The following KCTD1 variants were observed in gnomAD, a reference collection of about 807,000 sequenced individuals.
The protein encoded by KCTD1 is potassium channel tetramerization domain containing 1.
KCTD1 carries 24 observed loss-of-function variants against 66.0 expected under a neutral mutation model. The ratio of observed to expected loss-of-function variants is 0.36; its 90% confidence interval spans 0.26 to 0.51. The LOEUF is 0.51. KCTD1 is among the 20% of genes least tolerant of loss of function. The probability of loss-of-function intolerance (pLI) is 0.95; values close to 1 mark genes in which losing one functional copy is unlikely to be tolerated. For missense variants in KCTD1, 943 were observed against 1,205.2 expected (o/e 0.78, Z 3.22); for synonymous variants, 511 against 517.2 (o/e 0.99, Z 0.16).
Position 26,459,744 on chromosome 18 carries a change from A to G in KCTD1, c.2315T>C (p.Ile772Thr). Residue 772 changes from isoleucine to threonine, a missense_variant, in exon 4 of 5, where the codon ATA (isoleucine) becomes ACA (threonine). Ile to Thr is a moderately conservative substitution (Grantham distance 89). Transcript: ENST00000580059. The part of the protein sequence containing the change: ...RITLSGDKSL[I>T]EEVFPEIGDV... The stretch of plus-strand genomic sequence containing the variant: ...GCCGATCTCTGGAAATACTTCTTCT[A>G]TCAAGGATTTGTCACCGCTTAGCGT... 3 of 1,614,180 alleles carry G rather than the reference A, an allele frequency of 1.9e-6. No individual in the cohort carries two copies. The highest frequency in any genetic ancestry group is 1.3e-5 in the African/African-American group (1 of 75,032).
At chr18:26,461,968 A>G (rs193253206) in intron 3 of KCTD1, among the ~76,000 whole-genome samples, 14 of 152,284 alleles carry the variant, frequency 9.2e-5, no homozygotes, top group Non-Finnish European at 1.8e-4. Context: ...AATACAAAAA[A>G]TTAGCCGGGC....
At chr18:26,625,183 G>A (rs544738337) in intron 1 of KCTD1, among the ~76,000 whole-genome samples, 1 of 152,322 alleles carries the variant, frequency 6.6e-6, no homozygotes, top group South Asian at 2.1e-4. Context: ...TGAGACCTTG[G>A]ACTTGGACTT....
chr18:26,647,660 T>C (rs528842152), intron 1 of KCTD1, among the ~76,000 whole-genome samples: 4 of 151,018 alleles, frequency 2.6e-5, no homozygotes, highest in African/African-American at 9.7e-5. Flanking sequence ...AGACTCCAGA[T>C]CCTAAAACCT....
At chr18:26,569,442 C>A (rs1182241360) in intron 1 of KCTD1, among the ~76,000 whole-genome samples, 1 of 152,172 alleles carries the variant, frequency 6.6e-6, no homozygotes, top group Non-Finnish European at 1.5e-5. Context: ...TCCTTCCTGA[C>A]AACTCACAGC....
intron 1 of KCTD1, among the ~76,000 whole-genome samples, chr18:26,602,777 T>C (rs1290897961): frequency 6.6e-6 from 1 of 152,218 alleles, no homozygotes; most frequent in Non-Finnish European, 1.5e-5. Context: ...CTTCCACAGC[T>C]GTATCAGTTC....
chr18:26,455,292 T>TTTG lies in KCTD1; in HGVS notation c.*448_*450dup, dbSNP rs1310135758. 6.5e-6 allele frequency: 1 copy of TTTG among 152,858 alleles called. No homozygotes were observed. The highest frequency in any genetic ancestry group is 2.4e-5 in the African/African-American group (1 of 41,398). The allele number at this position is 152,858 out of a possible 1,614,324, so 9.5% of individuals were successfully genotyped here. ...TACAAACAAACTTGATTCAAGGTGT[T>TTTG]TTGTTTGTTTTGTTTTTTTAAAAAA... On this transcript the variant is annotated 3_prime_UTR_variant, in exon 5 of 5. Coordinates refer to ENST00000580059, the MANE Select transcript of KCTD1 (RefSeq NM_001142730.3).
intron 2 of KCTD1, among the ~76,000 whole-genome samples, chr18:26,493,118 C>T (rs569605606): frequency 2.6e-5 from 4 of 152,278 alleles, no homozygotes; most frequent in Non-Finnish European, 4.4e-5. Context: ...GGGTTTCTGT[C>T]TATGATGAGA....
Position 26,547,658 on chromosome 18 carries a change from G to A in KCTD1, c.879C>T (p.Tyr293=). ...AITRADLRKL[Y]TSSVFSTNTP... Reference sequence around the variant, plus strand: ...TGTTGGTGCTGAAGACGCTGGAGGTGTACAGCTTGCGCAGGTCGGCGCGCG... The same window carrying A: ...TGTTGGTGCTGAAGACGCTGGAGGTATACAGCTTGCGCAGGTCGGCGCGCG... Residue 293 remains tyrosine, a synonymous_variant, in exon 1 of 5, where the codon TAC becomes TAT. Coordinates refer to ENST00000580059, the MANE Select transcript of KCTD1 (RefSeq NM_001142730.3). 6.4e-7 allele frequency: 1 copy of A among 1,551,606 alleles called. No individual in the cohort carries two copies. The highest frequency in any genetic ancestry group is 8.7e-7 in the Non-Finnish European group (1 of 1,147,004).
chr18:26,493,677 GAGC>G (rs776207168), intron 2 of KCTD1, among the ~76,000 whole-genome samples: 17 of 152,200 alleles, frequency 1.1e-4, no homozygotes, highest in African/African-American at 3.6e-4. Flanking sequence ...CCATCCCCTC[GAGC>G]ATTTATCCTT....
At chr18:26,649,118 A>T (rs1987980883) in intron 1 of KCTD1, among the ~76,000 whole-genome samples, 1 of 152,198 alleles carries the variant, frequency 6.6e-6, no homozygotes, top group Non-Finnish European at 1.5e-5. Context: ...ACGACCCCAC[A>T]TGAGAGGACT....
At chr18:26,610,594 A>AAATGAAGG (rs1347736323) in intron 1 of KCTD1, among the ~76,000 whole-genome samples, 24 of 147,690 alleles carry the variant, frequency 1.6e-4, no homozygotes, top group African/African-American at 6.3e-4. Context: ...AGAGAGAAAG[A>AAATGAAGG]AAGGAAGGAA....
chr18:26,492,539 C>T (rs1330740221), intron 2 of KCTD1, among the ~76,000 whole-genome samples: 1 of 151,802 alleles, frequency 6.6e-6, no homozygotes, highest in African/African-American at 2.4e-5. Flanking sequence ...GGGAGGATGG[C>T]TTGGGCCTGG....
chr18:26,655,233 C>A (rs748294185), intron 1 of KCTD1, among the ~76,000 whole-genome samples: 1 of 152,188 alleles, frequency 6.6e-6, no homozygotes, highest in African/African-American at 2.4e-5. Flanking sequence ...AACAGGAGGT[C>A]TCTTAAGGAG....
chr18:26,544,491 T>C (rs1427945115), intron 1 of KCTD1: 1 of 152,216 alleles, frequency 6.6e-6, no homozygotes, highest in African/African-American at 2.4e-5. Flanking sequence ...TGGAATTCCG[T>C]ATGACACTAC....
chr18:26,615,977 G>T (rs1045723756), intron 1 of KCTD1, among the ~76,000 whole-genome samples: 1 of 152,092 alleles, frequency 6.6e-6, no homozygotes, highest in African/African-American at 2.4e-5. Context: ...TTTTAGTAGA[G>T]ATGGGGTTTC....
intron 1 of KCTD1, among the ~76,000 whole-genome samples, chr18:26,614,541 G>A (rs1987208191): frequency 6.6e-6 from 1 of 152,206 alleles, no homozygotes; most frequent in Admixed American, 6.5e-5. Flanking sequence ...AACACAGAGT[G>A]AGCAGAGACT....
intron 1 of KCTD1, among the ~76,000 whole-genome samples, chr18:26,513,352 G>T (rs375381809): frequency 4.6e-5 from 7 of 152,036 alleles, no homozygotes; most frequent in Admixed American, 3.9e-4. Flanking sequence ...CTCCCAAAGT[G>T]CTGGGATTAC....
intron 1 of KCTD1, among the ~76,000 whole-genome samples, chr18:26,590,225 A>G (rs1199669654): frequency 6.6e-6 from 1 of 150,898 alleles, no homozygotes; most frequent in Non-Finnish European, 1.5e-5. Flanking sequence ...CTGGGGTTAC[A>G]GGCACATGGC....
upstream of KCTD1, among the ~76,000 whole-genome samples, chr18:26,640,985 G>C (rs1987822250): frequency 6.6e-6 from 1 of 152,094 alleles, no homozygotes; most frequent in South Asian, 2.1e-4. Flanking sequence ...GGGTGGATAG[G>C]AACAGGAAAG....
Sources: allele counts gnomAD v4.1 joint callset (sites outside exome capture counted in the v4.1 genomes callset), GRCh38; gene constraint gnomAD v4.1.1; transcripts MANE v1.5; gene names NCBI Gene and HGNC (gene_info 2026-07-23, HGNC 2026-07-21).